Variants in MICAL2 observed in about 807,000 individuals in gnomAD.
MICAL2 encodes the protein microtubule associated monooxygenase, calponin and LIM domain containing 2, also known as [F-actin]-monooxygenase MICAL2.
MICAL2 carries 77 observed loss-of-function variants against 127.3 expected under a neutral mutation model. The ratio of observed to expected loss-of-function variants is 0.60; its 90% CI spans 0.50 to 0.73. The LOEUF (loss-of-function observed/expected upper bound fraction) is 0.73. MICAL2 is among the 30% of genes least tolerant of loss of function. The pLI is 0.00. For missense variants in MICAL2, 1,351 were observed against 1,434.4 expected (o/e 0.94, Z 0.94); for synonymous variants, 570 against 551.1 (o/e 1.03, Z -0.48).
chr11:12,272,940 C>A (rs1311229868), upstream of MICAL2, among the ~76,000 whole-genome samples: 1 of 152,234 alleles, frequency 6.6e-6, no homozygotes, highest in African/African-American at 2.4e-5. Context: ...GCCTTGCCGC[C>A]AAGCCTCACG....
intron 32 of MICAL2, among the ~76,000 whole-genome samples, chr11:12,345,256 G>T (rs1167717829): frequency 6.6e-6 from 1 of 152,232 alleles, no homozygotes; most frequent in Non-Finnish European, 1.5e-5. Context: ...GGAGTTGCAA[G>T]GTTTGTAGTG....
chr11:12,226,259 G>C lies in MICAL2; in HGVS notation c.1777G>C (p.Val593Leu). 1 of 1,614,260 alleles carries C rather than the reference G, an allele frequency of 6.2e-7. No homozygotes were observed. ...VAEREFGIPP[V>L]TTGKEMASAQ... is the part of the protein sequence containing the mutation. ...CGAGCGAGAGTTTGGGATCCCTCCA[G>C]TGACCACGGGCAAAGAGATGGCATC... Residue 593 changes from valine (V) to leucine (L), a missense_variant, in exon 14 of 28, where the codon GTG becomes CTG. Coordinates refer to ENST00000683283, the MANE Select transcript of MICAL2 (RefSeq NM_001282663.2).
Position 12,354,834 on chromosome 11 carries a change from TGAGA to T in MICAL2, c.5671_5674del (p.Glu1891LysfsTer14). The T allele has an allele frequency of 6.2e-7, 1 of 1,613,930 alleles. No individual in the cohort carries two copies. Among genetic ancestry groups the T allele is most frequent in the South Asian group, 1.1e-5 (1 of 91,028 alleles). On this transcript the variant is annotated frameshift_variant, in exon 34 of 35. Transcript: ENST00000646065. LOFTEE classifies it high-confidence loss of function. ...CATCAAAGCAGACTGGAGCAGAAACTGAGAGAGAAAATGCTCAAGGAGGGTGAGT... is the reference window on the plus strand; with the variant it reads ...CATCAAAGCAGACTGGAGCAGAAACTGAGAAAATGCTCAAGGAGGGTGAGT...
chr11:12,296,764 A>G (rs764786763), downstream of MICAL2, among the ~76,000 whole-genome samples: 2 of 151,922 alleles, frequency 1.3e-5, no homozygotes, highest in African/African-American at 4.8e-5. Context: ...GCAAATTTAT[A>G]TACTATATTT....
chr11:12,249,081 A>G, intron 21 of MICAL2, 103 bp from the exon 22 acceptor site: 1 of 1,493,424 alleles, frequency 6.7e-7, no homozygotes, highest in Non-Finnish European at 9.2e-7. Flanking sequence ...ACCTATGCAA[A>G]ATGCCTGAAG....
chr11:12,227,942 G>A (rs978133258), intron 15 of MICAL2, among the ~76,000 whole-genome samples: 2 of 152,206 alleles, frequency 1.3e-5, no homozygotes, highest in Non-Finnish European at 2.9e-5. Flanking sequence ...GGCATCACAT[G>A]CCTAAGGAGC....
chr11:12,150,294 C>T (rs960856152), intron 2 of MICAL2, among the ~76,000 whole-genome samples: 1 of 151,986 alleles, frequency 6.6e-6, no homozygotes, highest in Non-Finnish European at 1.5e-5. Context: ...TTTTTCTAAG[C>T]GTGTTTGAGA....
intron 3 of MICAL2, among the ~76,000 whole-genome samples, chr11:12,202,053 CAG>C (rs1347029962): frequency 6.6e-5 from 10 of 151,992 alleles, no homozygotes; most frequent in African/African-American, 2.4e-4. Flanking sequence ...ACCCAGGAGA[CAG>C]AGGTTGCGGT....
intron 1 of MICAL2, among the ~76,000 whole-genome samples, chr11:12,113,700 A>G (rs1320772436): frequency 2.0e-5 from 3 of 152,260 alleles, no homozygotes; most frequent in Admixed American, 6.5e-5. Flanking sequence ...TAATGTTGTA[A>G]TCTCTTAAGG....
chr11:12,295,006 A>C, downstream of MICAL2: 1 of 1,205,978 alleles, frequency 8.3e-7, no homozygotes, highest in Non-Finnish European at 1.1e-6. Context: ...AATTTGAAAA[A>C]AATCTGAAAA....
chr11:12,220,144 A>T, intron 8 of MICAL2, 57 bp from the exon 9 acceptor site: 2 of 1,601,450 alleles, frequency 1.2e-6, no homozygotes, highest in Non-Finnish European at 1.7e-6. Context: ...AGAGGTGGGT[A>T]TGAAGGCTAG....
At chr11:12,167,021 C>T (rs976272630) in intron 3 of MICAL2, among the ~76,000 whole-genome samples, 2 of 151,984 alleles carry the variant, frequency 1.3e-5, no homozygotes, top group Non-Finnish European at 2.9e-5. Flanking sequence ...TGGAGGAAAA[C>T]GCCTCCTGGT....
At chr11:12,337,964 G>T (rs1394102168) in intron 32 of MICAL2, among the ~76,000 whole-genome samples, 1 of 152,118 alleles carries the variant, frequency 6.6e-6, no homozygotes, top group African/African-American at 2.4e-5. Context: ...TAGGTGTCTA[G>T]TAGGTCCGCT....
Position 12,219,322 on chromosome 11 carries a change from C to T in MICAL2, c.949-879C>T, listed in dbSNP as rs540486113. 4.6e-5 allele frequency among the ~76,000 whole-genome samples: 7 copies of T among 152,186 alleles called. No individual in the cohort carries two copies. The East Asian group carries it at 1.4e-3, about 29-fold the overall frequency. On this transcript the variant is annotated intron_variant, in intron 8 of 27. Transcript: ENST00000683283. ...AATCCTCACATCCTGTGTTTCATTG[C>T]TAGTGTCCCTCCAGGATGGATATTC... is the stretch of plus-strand genomic sequence containing the variant.
chr11:12,298,688 T>A (rs1864013753), intron 29 of MICAL2, among the ~76,000 whole-genome samples: 1 of 152,124 alleles, frequency 6.6e-6, no homozygotes, highest in Non-Finnish European at 1.5e-5. Flanking sequence ...TCGGTGAGAG[T>A]ATTTTTAATC....
At chr11:12,315,124 A>G (rs1406928646) in intron 29 of MICAL2, among the ~76,000 whole-genome samples, 1 of 152,214 alleles carries the variant, frequency 6.6e-6, no homozygotes, top group East Asian at 1.9e-4. Context: ...ATAGACTGCA[A>G]GTTGACAGTA....
chr11:12,161,304 C>T (rs1854757784), intron 2 of MICAL2: 1 of 152,218 alleles, frequency 6.6e-6, no homozygotes, highest in Non-Finnish European at 1.5e-5. Flanking sequence ...TGAATGAGCA[C>T]CCATCGCATT....
At chr11:12,335,806 G>T (rs1938744259) in intron 32 of MICAL2, among the ~76,000 whole-genome samples, 1 of 152,104 alleles carries the variant, frequency 6.6e-6, no homozygotes, top group African/African-American at 2.4e-5. Context: ...CTGTTCCATT[G>T]GTCTGTGTAT....
At chr11:12,190,660 A>C (rs868676985) in intron 3 of MICAL2, among the ~76,000 whole-genome samples, 1 of 152,336 alleles carries the variant, frequency 6.6e-6, no homozygotes, top group Middle Eastern at 3.4e-3. Flanking sequence ...GCCTGTCAGC[A>C]TTTCTAATCA....
Sources: allele counts gnomAD v4.1 joint callset (sites outside exome capture counted in the v4.1 genomes callset), GRCh38; gene constraint gnomAD v4.1.1; transcripts MANE v1.5; gene names NCBI Gene and HGNC (gene_info 2026-07-23, HGNC 2026-07-21).